The following MCM6 variants were observed in gnomAD, a reference collection of about 807,000 sequenced individuals.
MCM6 encodes minichromosome maintenance complex component 6.
A neutral mutation model predicts 94.3 loss-of-function variants in MCM6; 46 were observed. That is an observed-to-expected ratio of 0.49 (90% CI 0.39 to 0.62). The LOEUF (loss-of-function observed/expected upper bound fraction) is 0.62, where lower values mean the gene tolerates loss of function less well. MCM6 is among the 20% of genes least tolerant of loss of function. The pLI, the probability that MCM6 is intolerant of heterozygous loss-of-function variation, is 0.00. For synonymous variants in MCM6, 335 were observed against 351.9 expected (o/e 0.95, Z 0.54); for missense variants, 865 against 1,017.9 (o/e 0.85, Z 2.04).
Position 135,876,426 on chromosome 2 carries a change from C to G in MCM6, c.-61G>C. On this transcript the variant is annotated 5_prime_UTR_variant, in exon 1 of 17. Transcript: ENST00000264156. Reference sequence around the variant, plus strand: ...TCGACCGCCACAAGTCGCTTTTTTCCAGACGCTGCAGCTTTGCGCGCGCCG... The same window carrying G: ...TCGACCGCCACAAGTCGCTTTTTTCGAGACGCTGCAGCTTTGCGCGCGCCG... 1 of 1,415,702 alleles carries G rather than the reference C, an allele frequency of 7.1e-7. No homozygotes were observed. Among genetic ancestry groups the G allele is most frequent in the Non-Finnish European group, 9.5e-7 (1 of 1,050,346 alleles). 87.7% of individuals were successfully genotyped at this position (1,415,702 alleles called of 1,614,324 possible). A position where few individuals can be genotyped will look rare whatever the true frequency, so the allele number is the denominator to read the frequency against.
intron 4 of MCM6, 85 bp from the exon 5 acceptor site, chr2:135,866,813 G>C: frequency 1.7e-6 from 2 of 1,151,546 alleles, no homozygotes. Flanking sequence ...CCACAAATAC[G>C]GACGTATTCT....
In MCM6 at chr2:135,876,369, T is replaced by C. The variant is rs371366528; in HGVS notation, c.-4A>G. 16 of 1,602,106 alleles carry C rather than the reference T, an allele frequency of 1.0e-5. No homozygotes were observed. In the African/African-American group the frequency reaches 2.1e-4, roughly 21 times the overall value. ...CCGCTGCCGCCGCGAGGTCCATATT[T>C]GCTTAGTGCCGAGGATTCGCCTGCG... On this transcript the variant is annotated 5_prime_UTR_variant, in exon 1 of 17. Coordinates refer to ENST00000264156, the MANE Select transcript of MCM6 (RefSeq NM_005915.6).
In MCM6 at chr2:135,868,810, C is replaced by G; in HGVS notation, c.416G>C (p.Gly139Ala). ...AACTGGGTGAGTCCGCACCACCTGC[C>G]CACTGATGCGAGTGAGCAAACCAAT... Reference protein sequence around the residue: ...SRIGLLTRISGQVVRTHPVHP... With the variant: ...SRIGLLTRISAQVVRTHPVHP... The change falls in exon 4 of 17, where the codon GGG (glycine) becomes GCG (alanine). Residue 139 changes from glycine (G) to alanine (A), a missense_variant. By Grantham distance (60) the Gly-to-Ala change is moderately conservative. Transcript: ENST00000264156. 1 of 1,614,034 alleles carries G rather than the reference C, an allele frequency of 6.2e-7. No individual in the cohort carries two copies. Among genetic ancestry groups the G allele is most frequent in the Non-Finnish European group, 8.5e-7 (1 of 1,179,934 alleles).
intron 8 of MCM6, 27 bp downstream of exon 8, chr2:135,862,580 G>C: frequency 6.2e-7 from 1 of 1,612,406 alleles, no homozygotes; most frequent in East Asian, 2.2e-5. Flanking sequence ...ACTTTTTCCT[G>C]CAACACTGTA....
chr2:135,875,353 A>G (rs1680274911), intron 1 of MCM6, among the ~76,000 whole-genome samples: 1 of 152,084 alleles, frequency 6.6e-6, no homozygotes, highest in Admixed American at 6.6e-5. Context: ...AACAAGGGCT[A>G]AATTACGCCT....
rs760751391 is a variant in MCM6 at position 135,865,120 on chromosome 2, C to T, written c.971G>A (p.Ser324Asn). The change falls in exon 7 of 17, where the codon AGC becomes AAC. Residue 324 changes from serine (S) to asparagine (N), a missense_variant. Ser to Asn is a conservative substitution (Grantham distance 46). Transcript: ENST00000264156. ...ELRDEEQTAE[S>N]IKNQMTVKEW... Reference sequence around the variant, plus strand: ...TTTCACAGTCATTTGGTTCTTAATGCTCTCAGCTGTCTGTTCCTCATCTCT... The same window carrying T: ...TTTCACAGTCATTTGGTTCTTAATGTTCTCAGCTGTCTGTTCCTCATCTCT... 2 of 1,578,006 alleles carry T rather than the reference C, an allele frequency of 1.3e-6. No individual in the cohort carries two copies. The highest frequency in any genetic ancestry group is 1.8e-5 in the Admixed American group (1 of 54,362).
Position 135,873,424 on chromosome 2 carries a change from A to G in MCM6, c.108-581T>C, listed in dbSNP as rs1558764770. Among the ~76,000 whole-genome samples the G allele has an allele frequency of 1.3e-5, 2 of 152,236 alleles. 1 individual carries two copies. The highest frequency in any genetic ancestry group is 4.1e-4 in the South Asian group (2 of 4,836). ...ATTTAAGAAGCAGAACAGAAATAAGAATACATGGAAATGAGGTGTTTCACA... is the reference window on the plus strand; with the variant it reads ...ATTTAAGAAGCAGAACAGAAATAAGGATACATGGAAATGAGGTGTTTCACA... On this transcript the variant is annotated intron_variant, in intron 1 of 16. Coordinates refer to ENST00000264156, the MANE Select transcript of MCM6 (RefSeq NM_005915.6).
intron 2 of MCM6, among the ~76,000 whole-genome samples, chr2:135,871,994 G>A (rs541660780): frequency 6.6e-6 from 1 of 152,300 alleles, no homozygotes; most frequent in South Asian, 2.1e-4. Context: ...CGTCAATGCT[G>A]TAAAGATATC....
chr2:135,841,048 A>C, intron 16 of MCM6, 97 bp from the exon 17 acceptor site: 3 of 866,336 alleles, frequency 3.5e-6, no homozygotes, highest in Non-Finnish European at 5.6e-6. Flanking sequence ...TTTGCTATCA[A>C]CATTTTCTTT....
At chr2:135,860,850 A>T (rs1679977288) in intron 8 of MCM6, among the ~76,000 whole-genome samples, 1 of 152,232 alleles carries the variant, frequency 6.6e-6, no homozygotes, top group Non-Finnish European at 1.5e-5. Context: ...TGCCACTTCT[A>T]TTCAACATTA....
At chr2:135,842,973 T>C (rs977800873) in intron 16 of MCM6, among the ~76,000 whole-genome samples, 2 of 152,228 alleles carry the variant, frequency 1.3e-5, no homozygotes, top group African/African-American at 4.8e-5. Flanking sequence ...AAAAGACTTA[T>C]CTGGCTGCTG....
At chr2:135,870,137 T>C in intron 3 of MCM6, 114 bp downstream of exon 3, 1 of 706,436 alleles carries the variant, frequency 1.4e-6, no homozygotes, top group Non-Finnish European at 2.5e-6. Context: ...TTGTATAATG[T>C]TAAATAGCCA....
At chr2:135,848,547 T>G (rs1463161735) in intron 13 of MCM6, among the ~76,000 whole-genome samples, 1 of 152,134 alleles carries the variant, frequency 6.6e-6, no homozygotes, top group East Asian at 1.9e-4. Flanking sequence ...TGTAGAAATA[T>G]AAACATATAT....
chr2:135,872,557 T>C (rs1023106888), intron 2 of MCM6, 140 bp downstream of exon 2: 2 of 819,754 alleles, frequency 2.4e-6, no homozygotes, highest in Non-Finnish European at 3.9e-6. Context: ...CCACTGGCAG[T>C]ATCAAAGCGC....
intron 12 of MCM6, 120 bp downstream of exon 12, chr2:135,852,666 GT>G (rs1679798842): frequency 7.7e-6 from 5 of 650,252 alleles, no homozygotes; most frequent in African/African-American, 3.9e-5. Context: ...AAAAAAAAAA[GT>G]TGTAAAATTT....
rs751164255 is a variant in MCM6 at position 135,844,630 on chromosome 2, T to G, written c.2264A>C (p.Glu755Ala). ...TTCAGAGTCTATCTCTGATTCGATT[T>G]CCTTCAAGTACCAGTTAACAAGCTC... Reference protein sequence around the residue: ...RSELVNWYLKEIESEIDSEEE... With the variant: ...RSELVNWYLKAIESEIDSEEE... Residue 755 changes from glutamate (E) to alanine (A), a missense_variant, in exon 16 of 17, where the codon GAA becomes GCA. Physicochemically the swap from Glu to Ala is moderately radical, Grantham distance 107. Around this residue, in one of 3 missense-constraint regions of MCM6, gnomAD observed 308 missense variants for 324.5 expected, o/e 0.95. Transcript: ENST00000264156. 5 of 1,591,148 alleles carry G rather than the reference T, an allele frequency of 3.1e-6. No individual in the cohort carries two copies. The highest frequency in any genetic ancestry group is 8.5e-7 in the Non-Finnish European group (1 of 1,170,888).
chr2:135,851,587 T>C, intron 12 of MCM6, 24 bp from the exon 13 acceptor site: 1 of 1,561,738 alleles, frequency 6.4e-7, no homozygotes, highest in East Asian at 2.3e-5. Context: ...TCACTCAAGT[T>C]AGAGAAACAT....
chr2:135,858,918 G>A (rs1679939198), intron 9 of MCM6, among the ~76,000 whole-genome samples: 1 of 152,144 alleles, frequency 6.6e-6, no homozygotes, highest in East Asian at 1.9e-4. Flanking sequence ...TTGAGACAGA[G>A]TCTCGCTCTG....
chr2:135,849,895 A>G (rs1411800926), intron 13 of MCM6, among the ~76,000 whole-genome samples: 8 of 152,214 alleles, frequency 5.3e-5, no homozygotes, highest in African/African-American at 1.9e-4. Context: ...AACATATGAG[A>G]CAGAAATAGC....
Sources: allele counts gnomAD v4.1 joint callset (sites outside exome capture counted in the v4.1 genomes callset), GRCh38; gene constraint gnomAD v4.1.1; regional missense constraint gnomAD v4.1.1; transcripts MANE v1.5; gene names NCBI Gene and HGNC (gene_info 2026-07-23, HGNC 2026-07-21).